CFAP53: variants seen among roughly 807,000 people sequenced by gnomAD.
CFAP53 encodes cilia and flagella associated protein 53.
A neutral mutation model predicts 59.7 loss-of-function variants in CFAP53; 62 were observed. That is an observed-to-expected ratio of 1.04 (90% confidence interval 0.85 to 1.28). The LOEUF (loss-of-function observed/expected upper bound fraction) is 1.28, where lower values mean the gene tolerates loss of function less well. Ranked by LOEUF, CFAP53 falls within the 50% of genes most tolerant of loss-of-function variation. CFAP53 has a pLI of 0.00. For synonymous variants in CFAP53, 218 were observed against 205.7 expected (o/e 1.06, Z -0.51); for missense variants, 629 against 615.6 (o/e 1.02, Z -0.23).
chr18:50,261,536 G>C (rs2033894122), intron 2 of CFAP53, among the ~76,000 whole-genome samples: 1 of 151,826 alleles, frequency 6.6e-6, no homozygotes, highest in South Asian at 2.1e-4. Flanking sequence ...GGGACTACAG[G>C]CAGGTGCCCC....
At chr18:50,259,810 A>G (rs559994552) in intron 3 of CFAP53, among the ~76,000 whole-genome samples, 25 of 152,162 alleles carry the variant, frequency 1.6e-4, no homozygotes, top group Non-Finnish European at 3.2e-4. Context: ...TCAAGTGATC[A>G]AAGTGCTGGG....
intron 1 of CFAP53, 124 bp downstream of exon 1, chr18:50,266,212 G>C: frequency 4.8e-6 from 4 of 833,174 alleles, no homozygotes; most frequent in Non-Finnish European, 8.1e-6. Context: ...TCAACCCACT[G>C]CATCAGGCGA....
At chr18:50,256,306 A>T (rs1248380205) in intron 3 of CFAP53, 1 of 152,144 alleles carries the variant, frequency 6.6e-6, no homozygotes, top group African/African-American at 2.4e-5. Flanking sequence ...CCCCCCAGCA[A>T]CCAGTAGCAA....
At chr18:50,249,098 G>A (rs1055812239) in intron 5 of CFAP53, among the ~76,000 whole-genome samples, 1 of 151,340 alleles carries the variant, frequency 6.6e-6, no homozygotes, top group African/African-American at 2.4e-5. Flanking sequence ...AGCTACTCGG[G>A]AGGCTGAGAC....
In CFAP53 at chr18:50,227,569, T is replaced by A; in HGVS notation, c.1357A>T (p.Met453Leu). Residue 453 changes from methionine to leucine, a missense_variant, in exon 8 of 8, where the codon ATG (methionine) becomes TTG (leucine). Met to Leu is a conservative substitution (Grantham distance 15, BLOSUM62 2). Coordinates refer to ENST00000398545, the MANE Select transcript of CFAP53 (RefSeq NM_145020.5). ...GACTGCTGCTGGTAGGCGATTTGCA[T>A]CTGAAGTTGCTTCCTGTACTCCTGG... ...LAQEYRKQLQ[M>L]QIAYQQQSQE... is the part of the protein sequence containing the mutation. 1 of 1,614,226 alleles carries A rather than the reference T, an allele frequency of 6.2e-7. No individual in the cohort carries two copies. The highest frequency in any genetic ancestry group is 8.5e-7 in the Non-Finnish European group (1 of 1,180,038).
At chr18:50,239,382 T>C (rs2144408731) in intron 6 of CFAP53, among the ~76,000 whole-genome samples, 1 of 151,500 alleles carries the variant, frequency 6.6e-6, no homozygotes, top group South Asian at 2.1e-4. Flanking sequence ...TAAATAAAGC[T>C]CTTGTAAGTT....
At position 50,251,518 on chromosome 18, in the gene CFAP53, G is replaced by A. The variant is rs765953509; in HGVS notation, c.740C>T (p.Ala247Val). 6.2e-6 allele frequency: 10 copies of A among 1,613,792 alleles called. No individual in the cohort carries two copies. The highest frequency in any genetic ancestry group is 4.5e-5 in the East Asian group (2 of 44,900). The change falls in exon 4 of 8, where the codon GCG (alanine) becomes GTG (valine). Residue 247 changes from alanine (A) to valine (V), a missense_variant. Ala to Val is a moderately conservative substitution (Grantham distance 64, BLOSUM62 0). Transcript: ENST00000398545. The part of the protein sequence containing the change: ...QITSIKAQRQ[A>V]TQLLKEEEAR... Reference sequence around the variant, plus strand: ...CTCCTCTTCCTTCAGCAGCTGTGTCGCCTGCCTTTGTGCCTTGATGCTGGT... The same window carrying A: ...CTCCTCTTCCTTCAGCAGCTGTGTCACCTGCCTTTGTGCCTTGATGCTGGT...
chr18:50,260,592 G>T (rs1230779752), intron 3 of CFAP53, among the ~76,000 whole-genome samples: 1 of 152,182 alleles, frequency 6.6e-6, no homozygotes, highest in Non-Finnish European at 1.5e-5. Context: ...TTTGGGCTCA[G>T]GAGGTGGAGG....
At chr18:50,245,646 A>C (rs1369344792) in intron 5 of CFAP53, among the ~76,000 whole-genome samples, 6 of 152,188 alleles carry the variant, frequency 3.9e-5, no homozygotes, top group African/African-American at 1.4e-4. Flanking sequence ...GCTTAAGTTC[A>C]TGAATCAGAA....
At chr18:50,247,875 A>G (rs138962906) in intron 5 of CFAP53, among the ~76,000 whole-genome samples, 1 of 152,364 alleles carries the variant, frequency 6.6e-6, no homozygotes, top group Non-Finnish European at 1.5e-5. Context: ...ACAGCTGCAC[A>G]TATCTGTGAA....
At chr18:50,235,746 T>C (rs1292655797) in intron 7 of CFAP53, among the ~76,000 whole-genome samples, 1 of 152,184 alleles carries the variant, frequency 6.6e-6, no homozygotes, top group Non-Finnish European at 1.5e-5. Context: ...GACAATATTT[T>C]AGGCTGCAAA....
intron 5 of CFAP53, among the ~76,000 whole-genome samples, chr18:50,244,570 A>G (rs1443342632): frequency 1.3e-5 from 2 of 152,186 alleles, no homozygotes; most frequent in Non-Finnish European, 2.9e-5. Flanking sequence ...TGGGAAAATA[A>G]TCAATATAAG....
Position 50,227,315 on chromosome 18 carries a change from G to A in CFAP53, c.*66C>T. On this transcript the variant is annotated 3_prime_UTR_variant, in exon 8 of 8. Transcript: ENST00000398545. ...AAAGTTTATCCAGGAGTTAAAAGAA[G>A]CATACAAGCATACTGTAGTTAAAAA... is the stretch of plus-strand genomic sequence containing the variant. 8.1e-7 allele frequency: 1 copy of A among 1,240,826 alleles called. No homozygotes were observed. Among genetic ancestry groups the A allele is most frequent in the African/African-American group, 1.5e-5 (1 of 66,386 alleles). 76.9% of individuals were successfully genotyped at this position (1,240,826 alleles called of 1,614,324 possible).
In CFAP53 at chr18:50,261,246, A is replaced by C. The variant is rs2033890745; in HGVS notation, c.300-9T>G. 6.8e-7 allele frequency: 1 copy of C among 1,462,658 alleles called. No individual in the cohort carries two copies. Among genetic ancestry groups the C allele is most frequent in the Non-Finnish European group, 8.9e-7 (1 of 1,119,324 alleles). 90.6% of individuals were successfully genotyped at this position (1,462,658 alleles called of 1,614,324 possible). A position where few individuals can be genotyped will look rare whatever the true frequency, so the allele number is the denominator to read the frequency against. Reference sequence around the variant, plus strand: ...CTAAAAGCTCACGTAGCCTGAAACAAAAAGCCAAAAAAAAAAAAAAAAAAA... The same window carrying C: ...CTAAAAGCTCACGTAGCCTGAAACACAAAGCCAAAAAAAAAAAAAAAAAAA... On this transcript the variant is annotated splice_polypyrimidine_tract_variant and intron_variant, in intron 2 of 7. Transcript: ENST00000398545.
chr18:50,261,004 T>C lies in CFAP53; in HGVS notation c.473+60A>G, dbSNP rs1037011554. 5 of 1,525,132 alleles carry C rather than the reference T, an allele frequency of 3.3e-6. No homozygotes were observed. The African/African-American group carries it at 4.2e-5, about 13-fold the overall frequency. 94.5% of individuals were successfully genotyped at this position (1,525,132 alleles called of 1,614,324 possible). Reference sequence around the variant, plus strand: ...ACTAATTTACTTTAAATTAGCATTCTTAAATCTATTTTAATGTACCAACTT... The same window carrying C: ...ACTAATTTACTTTAAATTAGCATTCCTAAATCTATTTTAATGTACCAACTT... On this transcript the variant is annotated intron_variant, in intron 3 of 7. Coordinates refer to ENST00000398545, the MANE Select transcript of CFAP53 (RefSeq NM_145020.5).
chr18:50,231,484 G>A (rs1158162980), intron 7 of CFAP53, among the ~76,000 whole-genome samples: 1 of 152,184 alleles, frequency 6.6e-6, no homozygotes, highest in Non-Finnish European at 1.5e-5. Flanking sequence ...AGAGACAATT[G>A]TAGGTCTCTA....
intron 5 of CFAP53, among the ~76,000 whole-genome samples, chr18:50,247,042 TAAAA>T (rs760218280): frequency 7.2e-6 from 1 of 137,978 alleles, no homozygotes; most frequent in African/African-American, 2.7e-5. Context: ...GAGTGAGATT[TAAAA>T]AAAAAAAAAA....
intron 6 of CFAP53, among the ~76,000 whole-genome samples, chr18:50,242,123 C>T (rs1013921361): frequency 1.3e-5 from 2 of 152,228 alleles, no homozygotes; most frequent in African/African-American, 2.4e-5. Context: ...CTGCCCGACC[C>T]CGCAGGCAGT....
chr18:50,253,924 T>G (rs2033823937), intron 3 of CFAP53, among the ~76,000 whole-genome samples: 1 of 152,182 alleles, frequency 6.6e-6, no homozygotes, highest in Admixed American at 6.5e-5. Flanking sequence ...TCGAAATGCC[T>G]ACCTTAATCT....
Sources: allele counts gnomAD v4.1 joint callset (sites outside exome capture counted in the v4.1 genomes callset), GRCh38; gene constraint gnomAD v4.1.1; transcripts MANE v1.5; gene names NCBI Gene and HGNC (gene_info 2026-07-23, HGNC 2026-07-21).